RALGPS1: variants seen among roughly 807,000 people sequenced by gnomAD.
The protein encoded by RALGPS1 is ras-specific guanine nucleotide-releasing factor RalGPS1.
Under a neutral mutation model 78.8 loss-of-function variants are expected in RALGPS1, and 19 were observed. The observed-to-expected ratio is 0.24, with a 90% confidence interval of 0.17 to 0.35. RALGPS1 has a LOEUF of 0.35. RALGPS1 is among the 10% of genes least tolerant of loss of function. The pLI, the probability that RALGPS1 is intolerant of heterozygous loss-of-function variation, is 1.00. For missense variants in RALGPS1, 454 were observed against 688.3 expected (o/e 0.66, Z 3.81); for synonymous variants, 228 against 256.3 (o/e 0.89, Z 1.06).
chr9:127,120,813 G>A (rs2055987225), intron 8 of RALGPS1, among the ~76,000 whole-genome samples: 1 of 150,948 alleles, frequency 6.6e-6, no homozygotes, highest in Non-Finnish European at 1.5e-5. Context: ...GGGTGACAGA[G>A]CGAGACTCCA....
chr9:127,014,381 A>G (rs918812885), intron 4 of RALGPS1, among the ~76,000 whole-genome samples: 24 of 152,174 alleles, frequency 1.6e-4, no homozygotes, highest in African/African-American at 5.3e-4. Flanking sequence ...CCATCATCAG[A>G]CAGTACAAAT....
chr9:127,005,441 C>A (rs546738729), intron 4 of RALGPS1, among the ~76,000 whole-genome samples: 1 of 152,334 alleles, frequency 6.6e-6, no homozygotes, highest in African/African-American at 2.4e-5. Flanking sequence ...AGAAGGCCCA[C>A]CTGTCACTGT....
At chr9:127,045,561 A>G (rs1048985313) in intron 5 of RALGPS1, among the ~76,000 whole-genome samples, 36 of 152,188 alleles carry the variant, frequency 2.4e-4, no homozygotes, top group African/African-American at 8.4e-4. Context: ...CAAGTTTCTC[A>G]CTGTTGGAGT....
chr9:126,959,436 T>A (rs116830975), intron 1 of RALGPS1, among the ~76,000 whole-genome samples: 2,076 of 152,220 alleles, frequency 0.014, 58 homozygotes, highest in African/African-American at 0.047. Context: ...CAGCTGTGGA[T>A]CTGTGGTTCT....
At chr9:127,056,104 T>G (rs2048724800) in intron 7 of RALGPS1, among the ~76,000 whole-genome samples, 1 of 152,254 alleles carries the variant, frequency 6.6e-6, no homozygotes, top group Non-Finnish European at 1.5e-5. Context: ...TTCCCTGGGT[T>G]GGCTCCTGTC....
chr9:127,091,537 AGGG>A lies in RALGPS1; in HGVS notation c.610+22182_610+22184del. On this transcript the variant is annotated intron_variant, in intron 8 of 18. Coordinates refer to ENST00000259351, the MANE Select transcript of RALGPS1 (RefSeq NM_014636.3). This position sits in a 1 kb window ranked among gnomAD's most constrained non-coding sequence, Gnocchi z 4.3. ...GAAGGGACCCTCAGGGGGTGGTAACAGGGTCAGGCAGCTTGGCCCAGCTGCTTC... is the reference window on the plus strand; with the variant it reads ...GAAGGGACCCTCAGGGGGTGGTAACATCAGGCAGCTTGGCCCAGCTGCTTC... 1 of 1,258,040 alleles carries A rather than the reference AGGG, an allele frequency of 7.9e-7. No homozygotes were observed. The highest frequency in any genetic ancestry group is 1.5e-5 in the South Asian group (1 of 68,962). 77.9% of individuals were successfully genotyped at this position (1,258,040 alleles called of 1,614,324 possible). A position where few individuals can be genotyped will look rare whatever the true frequency, so the allele number is the denominator to read the frequency against.
At chr9:127,011,995 T>C (rs1005281087) in intron 4 of RALGPS1, among the ~76,000 whole-genome samples, 1 of 152,240 alleles carries the variant, frequency 6.6e-6, no homozygotes, top group East Asian at 1.9e-4. Context: ...ACAAATAGCC[T>C]GTGTTGTTTG....
intron 8 of RALGPS1, among the ~76,000 whole-genome samples, chr9:127,097,140 A>C (rs2053220020): frequency 6.6e-6 from 1 of 152,324 alleles, no homozygotes; most frequent in East Asian, 1.9e-4. Context: ...AAAAATTTAC[A>C]GTTCTTTGTC....
rs2060428421 is a variant in RALGPS1 at position 127,183,585 on chromosome 9, C to T, written c.910+8803C>T. ...TTGGCCTCATCAGGCCTGAGTAAGG[C>T]ACAGTAGCTCCCCTGGGTCTCCTGA... On this transcript the variant is annotated intron_variant, in intron 11 of 18. Coordinates refer to ENST00000259351, the MANE Select transcript of RALGPS1 (RefSeq NM_014636.3). The surrounding 1 kb of genome is among the most constrained non-coding windows in gnomAD (Gnocchi z 4.0). 6.6e-6 allele frequency among the ~76,000 whole-genome samples: 1 copy of T among 152,172 alleles called. No individual in the cohort carries two copies. The highest frequency in any genetic ancestry group is 2.4e-5 in the African/African-American group (1 of 41,432).
intron 8 of RALGPS1, among the ~76,000 whole-genome samples, chr9:127,161,546 G>C (rs1384406270): frequency 6.6e-6 from 1 of 152,166 alleles, no homozygotes; most frequent in African/African-American, 2.4e-5. Context: ...GGACTGGGTG[G>C]GACACTGATG....
intron 4 of RALGPS1, among the ~76,000 whole-genome samples, chr9:126,978,492 T>C (rs2040900511): frequency 6.6e-6 from 1 of 151,176 alleles, no homozygotes; most frequent in South Asian, 2.1e-4. Flanking sequence ...CATTTCAAAG[T>C]AGCTGAATAG....
At chr9:127,210,895 G>A (rs1253184671) in intron 14 of RALGPS1, 5 of 859,842 alleles carry the variant, frequency 5.8e-6, no homozygotes, top group African/African-American at 3.4e-5. Context: ...TTGCCTACAT[G>A]AGTCTACTGC....
At chr9:127,136,456 C>T (rs2057398565) in intron 8 of RALGPS1, among the ~76,000 whole-genome samples, 1 of 152,230 alleles carries the variant, frequency 6.6e-6, no homozygotes, top group Non-Finnish European at 1.5e-5. Flanking sequence ...CAGAGGCTTC[C>T]TCCTCCACCA....
intron 3 of RALGPS1, among the ~76,000 whole-genome samples, chr9:126,972,238 A>G (rs1357807371): frequency 6.6e-6 from 1 of 152,206 alleles, no homozygotes; most frequent in African/African-American, 2.4e-5. Flanking sequence ...AAGGATAATA[A>G]TTGCAAATGA....
At chr9:126,984,613 A>G (rs1641355042) in intron 4 of RALGPS1, among the ~76,000 whole-genome samples, 1 of 152,152 alleles carries the variant, frequency 6.6e-6, no homozygotes, top group Non-Finnish European at 1.5e-5. Flanking sequence ...GATATTTATT[A>G]TACGTCCTGT....
At chr9:127,022,811 A>T (rs1174571885) in intron 4 of RALGPS1, among the ~76,000 whole-genome samples, 1 of 152,156 alleles carries the variant, frequency 6.6e-6, no homozygotes, top group Non-Finnish European at 1.5e-5. Context: ...CTGCTGAGAC[A>T]TCCCCTCCAA....
At chr9:127,033,528 T>C (rs2046604490) in intron 4 of RALGPS1, among the ~76,000 whole-genome samples, 1 of 152,210 alleles carries the variant, frequency 6.6e-6, no homozygotes, top group Non-Finnish European at 1.5e-5. Flanking sequence ...AAAAAACCAA[T>C]GTTATTAGTA....
chr9:127,142,617 C>T (rs2057856338), intron 8 of RALGPS1, among the ~76,000 whole-genome samples: 1 of 152,130 alleles, frequency 6.6e-6, no homozygotes, highest in South Asian at 2.1e-4. Flanking sequence ...CAAATAAGAC[C>T]CTGGAATCAC....
intron 1 of RALGPS1, among the ~76,000 whole-genome samples, chr9:126,935,761 A>T (rs201976225): frequency 6.6e-6 from 1 of 152,254 alleles, no homozygotes; most frequent in East Asian, 1.9e-4. Context: ...ACAAAGGAGT[A>T]ATCTCAGAGA....
Sources: allele counts gnomAD v4.1 joint callset (sites outside exome capture counted in the v4.1 genomes callset), GRCh38; gene constraint gnomAD v4.1.1; non-coding constraint Gnocchi (gnomAD v3.1); transcripts MANE v1.5; gene names NCBI Gene and HGNC (gene_info 2026-07-23, HGNC 2026-07-21).